SRC: variants seen among roughly 807,000 people sequenced by gnomAD.
The protein encoded by SRC is proto-oncogene tyrosine-protein kinase Src.
SRC carries 13 observed loss-of-function variants against 62.9 expected under a neutral mutation model. That is an observed-to-expected ratio of 0.21 (90% CI 0.13 to 0.33). The LOEUF (loss-of-function observed/expected upper bound fraction) is 0.33. Ranked by LOEUF, SRC falls within the 10% of genes least tolerant of loss-of-function variation. The pLI is 1.00. For synonymous variants in SRC, 302 were observed against 317.5 expected, an observed-to-expected ratio of 0.95 and a Z score of 0.52; for missense variants, 457 against 737.3, an observed-to-expected ratio of 0.62 and a Z score of 4.40.
chr20:37,395,280 G>A (rs569788153), intron 7 of SRC, among the ~76,000 whole-genome samples: 12 of 152,340 alleles, frequency 7.9e-5, no homozygotes, highest in Admixed American at 7.2e-4. Context: ...GTAATCTCCT[G>A]AAGATCGCAG....
At chr20:37,400,045 C>T (rs779719462) in intron 9 of SRC, 70 bp from the exon 10 acceptor site, 657 of 1,459,040 alleles carry the variant, frequency 4.5e-4, no homozygotes, top group Non-Finnish European at 5.6e-4. Flanking sequence ...CCCAGGTGGG[C>T]AGATCCTGGA....
At chr20:37,385,966 C>T in intron 4 of SRC, 109 bp from the exon 5 acceptor site, 1 of 821,398 alleles carries the variant, frequency 1.2e-6, no homozygotes, top group Non-Finnish European at 2.1e-6. Context: ...TTGGGCTGAG[C>T]ACTTGCGTGT....
rs772219397 is a variant in SRC, at chr20:37,386,152, C to A, written c.328C>A (p.Arg110=). Residue 110 remains arginine, a synonymous_variant, in exon 5 of 14, where the codon CGG becomes AGG. Coordinates refer to ENST00000373578, the MANE Select transcript of SRC (RefSeq NM_198291.3). ...ETDLSFKKGE[R]LQIVNNTEGD... Reference sequence around the variant, plus strand: ...AGACCTGTCCTTCAAGAAAGGCGAGCGGCTCCAGATTGTCAACAACACGTG... The same window carrying A: ...AGACCTGTCCTTCAAGAAAGGCGAGAGGCTCCAGATTGTCAACAACACGTG... The A allele has an allele frequency of 1.9e-6, 3 of 1,614,014 alleles. No individual in the cohort carries two copies. Among genetic ancestry groups the A allele is most frequent in the Admixed American group, 1.7e-5 (1 of 60,000 alleles).
chr20:37,373,355 T>C (rs968986878), intron 2 of SRC, among the ~76,000 whole-genome samples: 10 of 150,798 alleles, frequency 6.6e-5, no homozygotes, highest in Admixed American at 5.9e-4. Context: ...CATATGTACA[T>C]ATATACACAT....
At chr20:37,363,149 C>T (rs2070002376) in intron 1 of SRC, among the ~76,000 whole-genome samples, 1 of 152,210 alleles carries the variant, frequency 6.6e-6, no homozygotes, top group Non-Finnish European at 1.5e-5. Context: ...GATGACGGTC[C>T]CTGACAAGAC....
chr20:37,347,859 C>T lies in SRC; in HGVS notation c.-247+1604C>T, dbSNP rs144645698. Among the ~76,000 whole-genome samples, 461 of 152,340 alleles carry T rather than the reference C, an allele frequency of 3.0e-3. 5 individuals are homozygous for T. The highest frequency in any genetic ancestry group is 0.011 in the African/African-American group (441 of 41,566). Reference sequence around the variant, plus strand: ...ATGAAAGCCCAGACCTCAGAGACCACAGTCTGGCTGTCCCTGCATCCCTCC... The same window carrying T: ...ATGAAAGCCCAGACCTCAGAGACCATAGTCTGGCTGTCCCTGCATCCCTCC... On this transcript the variant is annotated intron_variant, in intron 1 of 13. Coordinates refer to ENST00000373578, the MANE Select transcript of SRC (RefSeq NM_198291.3).
At position 37,402,366 on chromosome 20, in the gene SRC, C is replaced by T. The variant is rs942721214; in HGVS notation, c.1117-69C>T. The T allele has an allele frequency of 8.3e-6, 13 of 1,571,546 alleles. No individual in the cohort carries two copies. In the East Asian group the frequency reaches 2.9e-4, roughly 35 times the overall value. On this transcript the variant is annotated intron_variant, in intron 11 of 13. Transcript: ENST00000373578. This position sits in a 1 kb window ranked among gnomAD's most constrained non-coding sequence, Gnocchi z 6.2. ...GAAGGGGTGGTTGGCTCTCCAGCCC[C>T]AGAGTGCTCTGTGGCCCTGGGAGGG...
chr20:37,388,563 T>C (rs1198076483), intron 5 of SRC, among the ~76,000 whole-genome samples: 1 of 152,150 alleles, frequency 6.6e-6, no homozygotes, highest in Non-Finnish European at 1.5e-5. Context: ...CTGGGAAACA[T>C]AGGGAGACCT....
At chr20:37,363,499 G>T (rs1160857776) in intron 1 of SRC, among the ~76,000 whole-genome samples, 2 of 152,192 alleles carry the variant, frequency 1.3e-5, no homozygotes, top group Non-Finnish European at 2.9e-5. Context: ...GATCTGGCTG[G>T]TATCCTGGCT....
In SRC at chr20:37,403,565, C is replaced by A; in HGVS notation, c.*186C>A. On this transcript the variant is annotated 3_prime_UTR_variant, in exon 14 of 14. Coordinates refer to ENST00000373578, the MANE Select transcript of SRC (RefSeq NM_198291.3). The surrounding 1 kb of genome is among the most constrained non-coding windows in gnomAD (Gnocchi z 7.1). ...CTGGACCTAGGGTGGCCTGAGAGGG[C>A]GGTGGGTATGCGAGACCAGCACGGT... 1.5e-6 allele frequency: 1 copy of A among 669,738 alleles called. No homozygotes were observed. Among genetic ancestry groups the A allele is most frequent in the Non-Finnish European group, 2.5e-6 (1 of 400,988 alleles). 41.5% of individuals were successfully genotyped at this position (669,738 alleles called of 1,614,324 possible).
chr20:37,354,724 C>T (rs2069855041), intron 1 of SRC, among the ~76,000 whole-genome samples: 1 of 152,206 alleles, frequency 6.6e-6, no homozygotes, highest in Non-Finnish European at 1.5e-5. Flanking sequence ...CACCAATCCC[C>T]ACCAGGCCTT....
At chr20:37,381,292 G>C (rs573460425) in intron 2 of SRC, among the ~76,000 whole-genome samples, 1 of 152,334 alleles carries the variant, frequency 6.6e-6, no homozygotes, top group African/African-American at 2.4e-5. Context: ...GGGGTCAGGG[G>C]TTGTGTCTTT....
At chr20:37,350,986 C>T (rs986225595) in intron 1 of SRC, among the ~76,000 whole-genome samples, 3 of 152,194 alleles carry the variant, frequency 2.0e-5, no homozygotes, top group African/African-American at 7.2e-5. Context: ...AAATCATCTA[C>T]GCTGGGAGAA....
chr20:37,355,451 C>A (rs1398076025), intron 1 of SRC, among the ~76,000 whole-genome samples: 1 of 152,198 alleles, frequency 6.6e-6, no homozygotes, highest in Non-Finnish European at 1.5e-5. Context: ...AAATAGGACT[C>A]AGTGCTGCCA....
chr20:37,369,933 G>A (rs536599281), intron 2 of SRC, among the ~76,000 whole-genome samples: 36 of 152,230 alleles, frequency 2.4e-4, no homozygotes, highest in Non-Finnish European at 4.7e-4. Flanking sequence ...CTGAGTAGCT[G>A]GAATTACTGG....
chr20:37,369,034 G>A (rs2072409142), intron 2 of SRC, among the ~76,000 whole-genome samples: 1 of 152,158 alleles, frequency 6.6e-6, no homozygotes, highest in African/African-American at 2.4e-5. Flanking sequence ...TTTGGACTCT[G>A]AATTCCCCTC....
chr20:37,400,764 T>C (rs1401686368), intron 10 of SRC, among the ~76,000 whole-genome samples: 1 of 152,194 alleles, frequency 6.6e-6, no homozygotes, highest in Non-Finnish European at 1.5e-5. Context: ...AAGTGTTCAG[T>C]TCAGTGGGTT....
At chr20:37,399,994 G>C in intron 9 of SRC, 121 bp from the exon 10 acceptor site, 2 of 940,410 alleles carry the variant, frequency 2.1e-6, no homozygotes, top group East Asian at 5.6e-5. Context: ...GCTTTGACTG[G>C]GTTTGTCACA....
chr20:37,396,522 T>G lies in SRC; in HGVS notation c.703+211T>G. The G allele has an allele frequency of 3.2e-6, 2 of 634,088 alleles. No individual in the cohort carries two copies. The highest frequency in any genetic ancestry group is 2.7e-6 in the Non-Finnish European group (1 of 373,204). 39.3% of individuals were successfully genotyped at this position (634,088 alleles called of 1,614,324 possible). A position where few individuals can be genotyped will look rare whatever the true frequency, so the allele number is the denominator to read the frequency against. ...TCTTTCCCCCAGCCCCCCTCCTCCC[T>G]GTCCCCCTCTCTCCCTGCTCCACGC... On this transcript the variant is annotated intron_variant, in intron 8 of 13. Coordinates refer to ENST00000373578, the MANE Select transcript of SRC (RefSeq NM_198291.3). The surrounding 1 kb of genome is among the most constrained non-coding windows in gnomAD (Gnocchi z 6.1).
Sources: gnomAD v4.1 joint callset for allele counts (sites outside exome capture counted in the v4.1 genomes callset) on GRCh38, gnomAD v4.1.1 for gene constraint, Gnocchi (gnomAD v3.1) non-coding constraint, MANE v1.5 for transcripts, NCBI Gene and HGNC (gene_info 2026-07-23, HGNC 2026-07-21) for gene names.